DIP2C: variants seen among roughly 807,000 people sequenced by gnomAD.
DIP2C encodes DIP2 acetate--CoA ligase C (putative).
In DIP2C, 33 loss-of-function variants were observed where a neutral mutation model predicts 192.4. The ratio of observed to expected loss-of-function variants is 0.17; its 90% confidence interval spans 0.13 to 0.23. DIP2C has a LOEUF of 0.23. DIP2C is among the 10% of genes least tolerant of loss of function. The probability of loss-of-function intolerance (pLI) is 1.00; values close to 1 mark genes in which losing one functional copy is unlikely to be tolerated. For missense variants in DIP2C, 1,537 were observed against 2,110.1 expected, an observed-to-expected ratio of 0.73 and a Z score of 5.32; for synonymous variants, 979 against 864.1, an observed-to-expected ratio of 1.13 and a Z score of -2.33.
intron 1 of DIP2C, among the ~76,000 whole-genome samples, chr10:525,369 C>T (rs1253211786): frequency 1.4e-4 from 22 of 152,124 alleles, no homozygotes. Flanking sequence ...CTCTGGATTG[C>T]AAAGGCTGAG....
intron 2 of DIP2C, among the ~76,000 whole-genome samples, chr10:484,493 C>T (rs1843851368): frequency 6.6e-6 from 1 of 152,190 alleles, no homozygotes; most frequent in African/African-American, 2.4e-5. Flanking sequence ...TATAATTTGT[C>T]ACGCATTCTT....
intron 3 of DIP2C, among the ~76,000 whole-genome samples, chr10:450,203 G>A (rs1165784481): frequency 2.0e-5 from 3 of 151,990 alleles, no homozygotes; most frequent in Admixed American, 2.0e-4. Context: ...GTCAGGGTCT[G>A]GCACCGTGGC....
rs145581346 is a variant in DIP2C, at chr10:535,618, G to C, written c.86-49088C>G. Among the ~76,000 whole-genome samples, 267 of 152,166 alleles carry C rather than the reference G, an allele frequency of 1.8e-3. 3 individuals are homozygous for C. The highest frequency in any genetic ancestry group is 6.1e-3 in the African/African-American group (253 of 41,506). ...CGAGATTCAGTGTGATCCCACACTC[G>C]TCACTGCTGACCTCAAGTTCTTTAT... On this transcript the variant is annotated intron_variant, in intron 1 of 36. Coordinates refer to ENST00000280886, the MANE Select transcript of DIP2C (RefSeq NM_014974.3).
intron 1 of DIP2C, among the ~76,000 whole-genome samples, chr10:536,381 C>G (rs537493227): frequency 6.6e-6 from 1 of 151,132 alleles, no homozygotes; most frequent in Admixed American, 6.9e-5. Context: ...ATCACAGTCC[C>G]GGGGGCTAGA....
intron 3 of DIP2C, among the ~76,000 whole-genome samples, chr10:451,233 ATC>A (rs954089722): frequency 6.6e-6 from 1 of 152,206 alleles, no homozygotes; most frequent in African/African-American, 2.4e-5. Context: ...GGTTAACCTA[ATC>A]TCTGCAGTGC....
At chr10:518,015 A>G (rs1846468435) in intron 1 of DIP2C, among the ~76,000 whole-genome samples, 1 of 152,206 alleles carries the variant, frequency 6.6e-6, no homozygotes, top group Admixed American at 6.5e-5. Context: ...TCTGCTAGGC[A>G]GTTTGGTGGG....
At chr10:468,922 C>T (rs1321018837) in intron 3 of DIP2C, among the ~76,000 whole-genome samples, 1 of 152,230 alleles carries the variant, frequency 6.6e-6, no homozygotes, top group Non-Finnish European at 1.5e-5. Flanking sequence ...CACAGTAAGG[C>T]AAATTCTACC....
At chr10:545,508 G>A (rs1485768688) in intron 1 of DIP2C, among the ~76,000 whole-genome samples, 4 of 152,146 alleles carry the variant, frequency 2.6e-5, no homozygotes, top group Non-Finnish European at 4.4e-5. Context: ...CCTCAGTGCT[G>A]CACACACATA....
At chr10:559,097 T>TA (rs1849058980) in intron 1 of DIP2C, among the ~76,000 whole-genome samples, 1 of 152,172 alleles carries the variant, frequency 6.6e-6, no homozygotes, top group Non-Finnish European at 1.5e-5. Flanking sequence ...ACAAGCACAT[T>TA]AAAAGTAAAA....
chr10:280,652 A>AGCCTCAGAGTCCTC (rs1248862599), intron 36 of DIP2C, among the ~76,000 whole-genome samples: 1 of 152,376 alleles, frequency 6.6e-6, no homozygotes, highest in African/African-American at 2.4e-5. Flanking sequence ...ACAAAGTCCC[A>AGCCTCAGAGTCCTC]GCCTCAGAGT....
At chr10:409,315 G>A (rs983680240) in intron 8 of DIP2C, among the ~76,000 whole-genome samples, 1 of 152,036 alleles carries the variant, frequency 6.6e-6, no homozygotes, top group Non-Finnish European at 1.5e-5. Flanking sequence ...GGGGTGGCGA[G>A]GGGGGGCGCG....
chr10:603,047 G>T lies in DIP2C; in HGVS notation c.85+86447C>A, dbSNP rs562051360. Among the ~76,000 whole-genome samples, 3 of 152,142 alleles carry T rather than the reference G, an allele frequency of 2.0e-5. No homozygotes were observed. The South Asian group carries it at 6.2e-4, about 32-fold the overall frequency. ...CCCTACGTCTTATAAAACCAAACCA[G>T]CCCAGGAATTCCACATCACCACTAA... On this transcript the variant is annotated intron_variant, in intron 1 of 36. Coordinates refer to ENST00000280886, the MANE Select transcript of DIP2C (RefSeq NM_014974.3).
At chr10:614,388 C>A (rs961959781) in intron 1 of DIP2C, among the ~76,000 whole-genome samples, 4 of 152,272 alleles carry the variant, frequency 2.6e-5, no homozygotes, top group Non-Finnish European at 5.9e-5. Flanking sequence ...TGTCTGCACA[C>A]AGTACCCAAG....
At chr10:450,090 G>A (rs892766502) in intron 3 of DIP2C, among the ~76,000 whole-genome samples, 3 of 152,150 alleles carry the variant, frequency 2.0e-5, no homozygotes, top group Non-Finnish European at 4.4e-5. Flanking sequence ...ATTCACGGAC[G>A]TTTCTGAAAG....
intron 1 of DIP2C, among the ~76,000 whole-genome samples, chr10:514,731 T>A (rs1564809591): frequency 6.6e-6 from 1 of 151,956 alleles, no homozygotes; most frequent in Non-Finnish European, 1.5e-5. Flanking sequence ...GCTCCCTGCG[T>A]CCGGCTTGGA....
intron 36 of DIP2C, among the ~76,000 whole-genome samples, chr10:279,219 T>C (rs1954681837): frequency 6.6e-6 from 1 of 152,218 alleles, no homozygotes; most frequent in African/African-American, 2.4e-5. Flanking sequence ...ATACTGCTCC[T>C]GGTGATGTTA....
At chr10:284,870 CT>C (rs983887071) in intron 34 of DIP2C, among the ~76,000 whole-genome samples, 1 of 152,060 alleles carries the variant, frequency 6.6e-6, no homozygotes, top group Non-Finnish European at 1.5e-5. Flanking sequence ...CTCAATTAAC[CT>C]CATAAAGCGG....
At chr10:401,205 T>G (rs1157681390) in intron 9 of DIP2C, among the ~76,000 whole-genome samples, 1 of 151,700 alleles carries the variant, frequency 6.6e-6, no homozygotes, top group Non-Finnish European at 1.5e-5. Context: ...GCATTAGCAT[T>G]ACTCTTCCTT....
chr10:502,813 A>T (rs1187142099), intron 1 of DIP2C, among the ~76,000 whole-genome samples: 1 of 152,178 alleles, frequency 6.6e-6, no homozygotes, highest in Non-Finnish European at 1.5e-5. Flanking sequence ...CACTGAAGAA[A>T]GAAAGGAAAG....
Sources: gnomAD v4.1 joint callset for allele counts (sites outside exome capture counted in the v4.1 genomes callset) on GRCh38, gnomAD v4.1.1 for gene constraint, MANE v1.5 for transcripts, NCBI Gene and HGNC (gene_info 2026-07-23, HGNC 2026-07-21) for gene names.